Variants in ALMS1 observed in about 807,000 individuals in gnomAD.
The protein encoded by ALMS1 is ALMS1 centrosome and basal body associated protein, also known as centrosome-associated protein ALMS1.
ALMS1 carries 271 observed loss-of-function variants against 352.2 expected under a neutral mutation model. The ratio of observed to expected loss-of-function variants is 0.77; its 90% CI spans 0.70 to 0.85. The LOEUF is 0.85. ALMS1 is among the 40% of genes least tolerant of loss of function. The probability of loss-of-function intolerance (pLI) is 0.00; values close to 1 mark genes in which losing one functional copy is unlikely to be tolerated. For synonymous variants in ALMS1, 1,865 were observed against 1,761.2 expected, an observed-to-expected ratio of 1.06 and a Z score of -1.48; for missense variants, 5,445 against 4,870.7, an observed-to-expected ratio of 1.12 and a Z score of -3.51.
At chr2:73,488,939 G>A (rs1018835328) in intron 9 of ALMS1, among the ~76,000 whole-genome samples, 2 of 152,178 alleles carry the variant, frequency 1.3e-5, no homozygotes, top group Non-Finnish European at 2.9e-5. Context: ...TCAAGCTTCT[G>A]TAATAGCCAA....
At chr2:73,485,673 C>A (rs1289665784) in intron 9 of ALMS1, among the ~76,000 whole-genome samples, 1 of 152,202 alleles carries the variant, frequency 6.6e-6, no homozygotes, top group Non-Finnish European at 1.5e-5. Context: ...CTCCCCCAGC[C>A]TCGCTGCCAC....
chr2:73,423,073 T>A, intron 4 of ALMS1, 99 bp downstream of exon 4: 2 of 1,013,150 alleles, frequency 2.0e-6, no homozygotes, highest in Non-Finnish European at 3.1e-6. Flanking sequence ...GAGGTGGGGC[T>A]TAGATACTCT....
Position 73,464,860 on chromosome 2 carries a change from AG to A in ALMS1, c.7674+9566del, listed in dbSNP as rs552460589. Among the ~76,000 whole-genome samples, 1,235 of 152,310 alleles carry A rather than the reference AG, an allele frequency of 8.1e-3. 23 individuals carry two copies. The highest frequency in any genetic ancestry group is 0.028 in the African/African-American group (1,168 of 41,558). On this transcript the variant is annotated intron_variant, in intron 9 of 22. Transcript: ENST00000613296. ...TCCCATTCACAGTTGCTTCAAAGAGAGTAAAATACCTAGGAATCCAACTTAC... is the reference window on the plus strand; with the variant it reads ...TCCCATTCACAGTTGCTTCAAAGAGATAAAATACCTAGGAATCCAACTTAC...
At chr2:73,436,804 A>T (rs1671612234) in intron 7 of ALMS1, among the ~76,000 whole-genome samples, 1 of 152,078 alleles carries the variant, frequency 6.6e-6, no homozygotes, top group Non-Finnish European at 1.5e-5. Context: ...TTCTTTAAGC[A>T]TCCTTTTCTT....
chr2:73,418,487 C>T (rs562681191), intron 2 of ALMS1, among the ~76,000 whole-genome samples: 41 of 152,292 alleles, frequency 2.7e-4, no homozygotes, highest in African/African-American at 9.6e-4. Context: ...ATCGCCGCCA[C>T]GAAGAAAGTG....
In ALMS1 at chr2:73,452,960, C is replaced by T. The variant is rs770558150; in HGVS notation, c.6433C>T (p.Arg2145Ter). The change falls in exon 8 of 23, where the codon CGA becomes TGA. Residue 2145 changes from arginine (R) to a stop codon, truncating the protein, a stop_gained. Transcript: ENST00000613296. LOFTEE classifies it high-confidence loss of function. Reference sequence around the variant, plus strand: ...AGCTCTTCCTAGTTCCTTTTCACATCGAGAGAAACCAGATATTTTCTATCA... The same window carrying T: ...AGCTCTTCCTAGTTCCTTTTCACATTGAGAGAAACCAGATATTTTCTATCA... ...PTALPSSFSHREKPDIFYQKD... is the reference protein window; with the variant it reads ...PTALPSSFSH 19 of 1,612,294 alleles carry T rather than the reference C, an allele frequency of 1.2e-5. No homozygotes were observed. The highest frequency in any genetic ancestry group is 4.5e-5 in the East Asian group (2 of 44,852).
chr2:73,478,738 G>T (rs1395309176), intron 9 of ALMS1, among the ~76,000 whole-genome samples: 1 of 151,816 alleles, frequency 6.6e-6, no homozygotes, highest in Admixed American at 6.6e-5. Context: ...TGTTACACAG[G>T]TATACATGTG....
At chr2:73,514,444 TACTC>T (rs1156230186) in intron 10 of ALMS1, among the ~76,000 whole-genome samples, 11 of 152,162 alleles carry the variant, frequency 7.2e-5, no homozygotes, top group Non-Finnish European at 1.3e-4. Flanking sequence ...GAACTCTATT[TACTC>T]ACTCCTCCTA....
chr2:73,407,481 A>C (rs2103672778), intron 1 of ALMS1, among the ~76,000 whole-genome samples: 2 of 141,202 alleles, frequency 1.4e-5, no homozygotes, highest in Middle Eastern at 7.0e-3. Context: ...CTATAAAAGA[A>C]TTAAGGTGGA....
chr2:73,586,842 A>G lies in ALMS1; in HGVS notation c.11548-12559A>G, dbSNP rs192745279. On this transcript the variant is annotated intron_variant, in intron 16 of 22. Transcript: ENST00000613296. Reference sequence around the variant, plus strand: ...GAATATGTAGATTGCTTTTGGCAATATGGTCATTTTCACAATATTAATTCT... The same window carrying G: ...GAATATGTAGATTGCTTTTGGCAATGTGGTCATTTTCACAATATTAATTCT... 1.9e-4 allele frequency among the ~76,000 whole-genome samples: 29 copies of G among 152,304 alleles called. No individual in the cohort carries two copies. In the East Asian group the frequency reaches 5.2e-3, roughly 27 times the overall value.
intron 16 of ALMS1, among the ~76,000 whole-genome samples, chr2:73,582,102 A>G (rs1236016276): frequency 6.6e-6 from 1 of 151,918 alleles, no homozygotes; most frequent in Non-Finnish European, 1.5e-5. Flanking sequence ...GTTTTTTTTA[A>G]ATTTGCATTT....
At chr2:73,413,486 G>T (rs1338970081) in intron 2 of ALMS1, among the ~76,000 whole-genome samples, 1 of 151,948 alleles carries the variant, frequency 6.6e-6, no homozygotes, top group Non-Finnish European at 1.5e-5. Context: ...TTCATAGTGG[G>T]GGTCTGTCCT....
At chr2:73,547,116 C>A (rs181481985) in intron 12 of ALMS1, among the ~76,000 whole-genome samples, 11 of 152,256 alleles carry the variant, frequency 7.2e-5, no homozygotes, top group African/African-American at 2.6e-4. Flanking sequence ...AAATAGACTT[C>A]ATGTTAGATG....
chr2:73,556,352 C>G lies in ALMS1; in HGVS notation c.10079-868C>G, dbSNP rs142240010. 7.4e-4 allele frequency among the ~76,000 whole-genome samples: 113 copies of G among 152,044 alleles called. No individual in the cohort carries two copies. In the East Asian group the frequency reaches 0.02, roughly 27 times the overall value. ...GCAATCTCTATTGCCTTTCTGATTT[C>G]TTTGTTGAAAAATATACTTACAGAT... On this transcript the variant is annotated intron_variant, in intron 13 of 22. Transcript: ENST00000613296.
At chr2:73,584,848 C>T (rs1173484018) in intron 16 of ALMS1, among the ~76,000 whole-genome samples, 1 of 151,422 alleles carries the variant, frequency 6.6e-6, no homozygotes, top group Non-Finnish European at 1.5e-5. Flanking sequence ...ATCCTCATAA[C>T]TTAGCTCCCC....
intron 21 of ALMS1, among the ~76,000 whole-genome samples, chr2:73,605,834 ACT>A (rs778283603): frequency 6.6e-6 from 1 of 151,446 alleles, no homozygotes; most frequent in East Asian, 1.9e-4. Context: ...CAAGTGCGAA[ACT>A]CTGTCTCAAA....
At chr2:73,549,560 CTT>C (rs1487260227) in intron 12 of ALMS1, among the ~76,000 whole-genome samples, 2 of 152,124 alleles carry the variant, frequency 1.3e-5, no homozygotes, top group African/African-American at 4.8e-5. Context: ...TTAAATACTT[CTT>C]TTCTTTGCTT....
chr2:73,560,532 C>T (rs1347985987), intron 15 of ALMS1, among the ~76,000 whole-genome samples: 1 of 152,150 alleles, frequency 6.6e-6, no homozygotes, highest in Non-Finnish European at 1.5e-5. Flanking sequence ...CCCGCAATCC[C>T]ACTGCCACTG....
intron 16 of ALMS1, among the ~76,000 whole-genome samples, chr2:73,581,891 T>G (rs1675188955): frequency 6.6e-6 from 1 of 151,964 alleles, no homozygotes; most frequent in African/African-American, 2.4e-5. Flanking sequence ...ACTACAGGTG[T>G]GCACCACCAT....
Sources: gnomAD v4.1 joint callset for allele counts (sites outside exome capture counted in the v4.1 genomes callset) on GRCh38, gnomAD v4.1.1 for gene constraint, MANE v1.5 for transcripts, NCBI Gene and HGNC (gene_info 2026-07-23, HGNC 2026-07-21) for gene names.